ATXN7L1: variants seen among roughly 807,000 people sequenced by gnomAD.
The protein encoded by ATXN7L1 is ataxin-7-like protein 1.
Under a neutral mutation model 70.8 loss-of-function variants are expected in ATXN7L1, and 15 were observed. The observed-to-expected ratio is 0.21, with a 90% CI of 0.14 to 0.33. The LOEUF (loss-of-function observed/expected upper bound fraction) is 0.33. Among genes scored for constraint, ATXN7L1 ranks in the 10% least tolerant of loss-of-function variants. ATXN7L1 has a pLI of 1.00. For missense variants in ATXN7L1, 975 were observed against 1,097.1 expected, an observed-to-expected ratio of 0.89 and a Z score of 1.57; for synonymous variants, 440 against 445.1, an observed-to-expected ratio of 0.99 and a Z score of 0.14.
At position 105,674,065 on chromosome 7, in the gene ATXN7L1, C is replaced by G. The variant is rs75430196; in HGVS notation, c.356-8777G>C. 8.8e-3 allele frequency among the ~76,000 whole-genome samples: 1,335 copies of G among 152,276 alleles called. 10 individuals carry two copies. Among genetic ancestry groups the G allele is most frequent in the African/African-American group, 0.031 (1,283 of 41,532 alleles). ...CCCATTCCCTTCTCAGACTGCAGTACCTCTTTAAAAGATGGCAGGGCTGAG... is the reference window on the plus strand; with the variant it reads ...CCCATTCCCTTCTCAGACTGCAGTAGCTCTTTAAAAGATGGCAGGGCTGAG... On this transcript the variant is annotated intron_variant, in intron 3 of 11. Transcript: ENST00000419735.
intron 3 of ATXN7L1, among the ~76,000 whole-genome samples, chr7:105,783,674 G>T (rs1283738057): frequency 6.6e-6 from 1 of 152,154 alleles, no homozygotes; most frequent in Non-Finnish European, 1.5e-5. Context: ...CTGCACTTAG[G>T]ACTCTTCCAG....
At chr7:105,622,523 A>G (rs918090028) in intron 8 of ATXN7L1, among the ~76,000 whole-genome samples, 6 of 152,162 alleles carry the variant, frequency 3.9e-5, no homozygotes, top group African/African-American at 1.4e-4. Context: ...AACCTCACCA[A>G]CTACCACCCA....
chr7:105,733,702 T>C (rs71540973), intron 3 of ATXN7L1, among the ~76,000 whole-genome samples: 429 of 11,008 alleles, frequency 0.039, no homozygotes, highest in Non-Finnish European at 0.059. Flanking sequence ...ATCCATCCAT[T>C]CATCCATCCA....
chr7:105,617,067 C>T (rs181997810), intron 9 of ATXN7L1, among the ~76,000 whole-genome samples: 1 of 151,948 alleles, frequency 6.6e-6, no homozygotes, highest in East Asian at 1.9e-4. Context: ...TGCTCTGTTC[C>T]CCAGGCTGGA....
chr7:105,645,810 C>CACAAACAA (rs58661590), intron 4 of ATXN7L1, among the ~76,000 whole-genome samples: 269 of 143,378 alleles, frequency 1.9e-3, no homozygotes, highest in South Asian at 6.7e-3. Flanking sequence ...GAGACGCCAC[C>CACAAACAA]ACAAACAAAC....
intron 2 of ATXN7L1, among the ~76,000 whole-genome samples, chr7:105,833,958 C>T (rs925201295): frequency 3.3e-5 from 5 of 152,126 alleles, no homozygotes; most frequent in South Asian, 2.1e-4. Flanking sequence ...AAAATTAATT[C>T]GGATATTGAT....
intron 3 of ATXN7L1, among the ~76,000 whole-genome samples, chr7:105,693,487 G>T (rs894898998): frequency 1.3e-5 from 2 of 152,122 alleles, no homozygotes; most frequent in Admixed American, 1.3e-4. Context: ...TACTGTGTCT[G>T]ACCGAGTGAG....
In ATXN7L1 at chr7:105,750,808, AAAC is replaced by A. The variant is rs201426455; in HGVS notation, c.355+37793_355+37795del. ...ACAGAGTAAGACTCTGTCTCGAAAA[AAAC>A]AACAACAAAAAAAGTTACTTTTATC... is the stretch of plus-strand genomic sequence containing the variant. On this transcript the variant is annotated intron_variant, in intron 3 of 11. Coordinates refer to ENST00000419735, the MANE Select transcript of ATXN7L1 (RefSeq NM_020725.2). Among the ~76,000 whole-genome samples the A allele has an allele frequency of 5.0e-3, 760 of 152,224 alleles. 27 individuals are homozygous for A. The highest frequency in any genetic ancestry group is 0.043 in the Admixed American group (664 of 15,288).
At chr7:105,841,252 C>T (rs1431548509) in intron 2 of ATXN7L1, among the ~76,000 whole-genome samples, 1 of 152,186 alleles carries the variant, frequency 6.6e-6, no homozygotes, top group Non-Finnish European at 1.5e-5. Context: ...GTTGAAATGC[C>T]TGTCCTGGAG....
Position 105,607,800 on chromosome 7 carries a change from C to T in ATXN7L1, c.*52G>A, listed in dbSNP as rs548687673. 9 of 1,511,476 alleles carry T rather than the reference C, an allele frequency of 6.0e-6. No homozygotes were observed. Among genetic ancestry groups the T allele is most frequent in the East Asian group, 2.5e-5 (1 of 40,736 alleles). 93.6% of individuals were successfully genotyped at this position (1,511,476 alleles called of 1,614,324 possible). ...TCCCTCCTCCTCCCCATGGCCTCCT[C>T]GGATGGGATTAGGTGGCCTGGAATT... On this transcript the variant is annotated 3_prime_UTR_variant, in exon 12 of 12. Coordinates refer to ENST00000419735, the MANE Select transcript of ATXN7L1 (RefSeq NM_020725.2).
chr7:105,762,127 G>A (rs1584944662), intron 3 of ATXN7L1, among the ~76,000 whole-genome samples: 1 of 152,210 alleles, frequency 6.6e-6, no homozygotes, highest in East Asian at 1.9e-4. Context: ...GCTGACTGCT[G>A]CCATTACTGG....
At chr7:105,805,833 T>G (rs556846818) in intron 2 of ATXN7L1, among the ~76,000 whole-genome samples, 56 of 152,080 alleles carry the variant, frequency 3.7e-4, no homozygotes, top group Non-Finnish European at 4.3e-4. Context: ...TGGGTGAATA[T>G]AGCAGGGAAT....
At chr7:105,848,550 TTAA>T (rs1383000400) in intron 2 of ATXN7L1, among the ~76,000 whole-genome samples, 9 of 152,304 alleles carry the variant, frequency 5.9e-5, no homozygotes, top group African/African-American at 2.2e-4. Flanking sequence ...AATGGAATAC[TTAA>T]TAACTAGGAA....
intron 4 of ATXN7L1, among the ~76,000 whole-genome samples, chr7:105,653,782 G>A (rs570962623): frequency 1.3e-5 from 2 of 151,408 alleles, no homozygotes; most frequent in East Asian, 2.0e-4. Context: ...CTGTAGCCTC[G>A]CTGGACTTCT....
chr7:105,733,522 C>T lies in ATXN7L1; in HGVS notation c.355+55082G>A, dbSNP rs1188807208. Among the ~76,000 whole-genome samples, 201 of 122,154 alleles carry T rather than the reference C, an allele frequency of 1.6e-3. 9 individuals are homozygous for T. The highest frequency in any genetic ancestry group is 6.4e-3 in the African/African-American group (181 of 28,140). 80.1% of individuals were successfully genotyped at this position (122,154 alleles called of 152,430 possible). The stretch of plus-strand genomic sequence containing the variant: ...TCCATCCTTCCATCCATCCACCCAT[C>T]CATCCATCCATCCATCCACCCATCC... On this transcript the variant is annotated intron_variant, in intron 3 of 11. Coordinates refer to ENST00000419735, the MANE Select transcript of ATXN7L1 (RefSeq NM_020725.2).
chr7:105,837,107 AAGATC>A (rs1388512247), intron 2 of ATXN7L1, among the ~76,000 whole-genome samples: 2 of 152,118 alleles, frequency 1.3e-5, no homozygotes, highest in Non-Finnish European at 2.9e-5. Context: ...ACACTTTTCA[AAGATC>A]AGATCTTGTG....
At chr7:105,777,465 G>A (rs1199676751) in intron 3 of ATXN7L1, among the ~76,000 whole-genome samples, 1 of 152,096 alleles carries the variant, frequency 6.6e-6, no homozygotes, top group South Asian at 2.1e-4. Flanking sequence ...TCTATGAAAC[G>A]CTTTCTTCTC....
intron 3 of ATXN7L1, among the ~76,000 whole-genome samples, chr7:105,693,712 G>A (rs1284000779): frequency 6.6e-6 from 1 of 152,208 alleles, no homozygotes; most frequent in Admixed American, 6.5e-5. Flanking sequence ...GTTTTGGAGA[G>A]CAAAGGTTGC....
At chr7:105,769,983 A>G (rs1415359248) in intron 3 of ATXN7L1, among the ~76,000 whole-genome samples, 1 of 152,220 alleles carries the variant, frequency 6.6e-6, no homozygotes, top group Non-Finnish European at 1.5e-5. Context: ...GTAAAACTGC[A>G]GCCTTTAGCA....
Sources: gnomAD v4.1 joint callset for allele counts (sites outside exome capture counted in the v4.1 genomes callset) on GRCh38, gnomAD v4.1.1 for gene constraint, MANE v1.5 for transcripts, NCBI Gene and HGNC (gene_info 2026-07-23, HGNC 2026-07-21) for gene names.